Variants in TLK2 observed in about 807,000 individuals in gnomAD.
TLK2 encodes serine/threonine-protein kinase tousled-like 2.
A neutral mutation model predicts 117.3 loss-of-function variants in TLK2; 6 were observed. That is an observed-to-expected ratio of 0.05 (90% CI 0.03 to 0.10). TLK2 has a LOEUF of 0.10. Ranked by LOEUF, TLK2 falls within the 10% of genes least tolerant of loss-of-function variation. The pLI, the probability that TLK2 is intolerant of heterozygous loss-of-function variation, is 1.00. For missense variants in TLK2, 299 were observed against 901.2 expected (o/e 0.33, Z 8.56); for synonymous variants, 257 against 316.7 (o/e 0.81, Z 2.00).
chr17:62,603,446 G>C (rs2083023231), intron 19 of TLK2, among the ~76,000 whole-genome samples: 2 of 152,128 alleles, frequency 1.3e-5, no homozygotes, highest in Non-Finnish European at 2.9e-5. Context: ...AAAAATATCT[G>C]CTGCTGGAAA....
Position 62,608,103 on chromosome 17 carries a change from T to C in TLK2, c.2034T>C (p.Thr678=), listed in dbSNP as rs527994376. ...AAGAGAATACGATTCTTAAAGCTAC[T>C]GAAGTGCAGTTCCCGCCAAAGCCAG... The part of the protein sequence containing the change: ...ILQENTILKA[T]EVQFPPKPVV... Residue 678 remains threonine, a synonymous_variant, in exon 21 of 22, where the codon ACT becomes ACC. Coordinates refer to ENST00000346027, the MANE Select transcript of TLK2 (RefSeq NM_006852.6). 1 of 1,614,086 alleles carries C rather than the reference T, an allele frequency of 6.2e-7. No homozygotes were observed. Among genetic ancestry groups the C allele is most frequent in the East Asian group, 2.2e-5 (1 of 44,882 alleles).
intron 17 of TLK2, among the ~76,000 whole-genome samples, chr17:62,599,960 A>G (rs1776258838): frequency 6.6e-6 from 1 of 152,226 alleles, no homozygotes; most frequent in Non-Finnish European, 1.5e-5. Flanking sequence ...TGACATATTG[A>G]CATAAGGGAA....
At chr17:62,477,341 AAT>A (rs1302567135), upstream of TLK2, among the ~76,000 whole-genome samples, 2 of 152,078 alleles carry the variant, frequency 1.3e-5, no homozygotes, top group East Asian at 1.9e-4. Flanking sequence ...TCTCTTTGGG[AAT>A]ATGCATGTCC....
rs2078305075 is a variant in TLK2, at chr17:62,549,836, T to C, written c.532-2466T>C. 4 of 61,458 alleles carry C rather than the reference T, an allele frequency of 6.5e-5. No individual in the cohort carries two copies. The Admixed American group carries it at 7.8e-4, about 12-fold the overall frequency. 3.8% of individuals were successfully genotyped at this position (61,458 alleles called of 1,614,324 possible). On this transcript the variant is annotated intron_variant, in intron 7 of 21. Coordinates refer to ENST00000346027, the MANE Select transcript of TLK2 (RefSeq NM_006852.6). ...GCTAATTTTTTTTGTTTTGTATTGT[T>C]TTTTTTTTTTTTTAGTAGAGATGAG...
At chr17:62,476,099 C>T (rs1289288931), upstream of TLK2, among the ~76,000 whole-genome samples, 1 of 152,162 alleles carries the variant, frequency 6.6e-6, no homozygotes, top group East Asian at 1.9e-4. Context: ...CCTGTCTCAA[C>T]CTCCCAAGTA....
upstream of TLK2, among the ~76,000 whole-genome samples, chr17:62,476,677 T>C (rs2071053963): frequency 6.6e-6 from 1 of 152,200 alleles, no homozygotes; most frequent in African/African-American, 2.4e-5. Context: ...GGTTAGATGA[T>C]AGGCCCATGT....
At chr17:62,542,707 G>C (rs1035036351) in intron 7 of TLK2, among the ~76,000 whole-genome samples, 1 of 152,152 alleles carries the variant, frequency 6.6e-6, no homozygotes. Context: ...AGTTTAGATT[G>C]AAACAGTTCT....
At chr17:62,527,745 A>G (rs1264217224) in intron 6 of TLK2, among the ~76,000 whole-genome samples, 2 of 151,692 alleles carry the variant, frequency 1.3e-5, no homozygotes, top group Non-Finnish European at 2.9e-5. Flanking sequence ...TCTTCCGACT[A>G]GATTTTTTTT....
intron 7 of TLK2, chr17:62,551,046 G>C (rs2078421864): frequency 6.6e-6 from 1 of 152,274 alleles, no homozygotes; most frequent in Non-Finnish European, 1.5e-5. Context: ...TCGAGCTTCT[G>C]TCCTCAAGTG....
intron 7 of TLK2, among the ~76,000 whole-genome samples, chr17:62,548,723 C>T (rs1235773751): frequency 6.6e-6 from 1 of 151,818 alleles, no homozygotes; most frequent in Non-Finnish European, 1.5e-5. Flanking sequence ...GTCTTTTAAT[C>T]ATTTGATTCT....
intron 1 of TLK2, among the ~76,000 whole-genome samples, chr17:62,471,503 T>C (rs972535922): frequency 2.6e-5 from 4 of 152,184 alleles, no homozygotes; most frequent in Non-Finnish European, 5.9e-5. Flanking sequence ...TCAAGTCCAA[T>C]CTGGAGGCTG....
Position 62,578,166 on chromosome 17 carries a change from G to A in TLK2, c.1189-311G>A, listed in dbSNP as rs111372320. 3.5e-3 allele frequency among the ~76,000 whole-genome samples: 527 copies of A among 152,304 alleles called. 3 individuals carry two copies. The highest frequency in any genetic ancestry group is 0.012 in the African/African-American group (492 of 41,578). ...AATGTTTCCATGTCTAAATGTATATGCACAAAACATTCCTGAAAACTTATG... is the reference window on the plus strand; with the variant it reads ...AATGTTTCCATGTCTAAATGTATATACACAAAACATTCCTGAAAACTTATG... On this transcript the variant is annotated intron_variant, in intron 13 of 21. Coordinates refer to ENST00000346027, the MANE Select transcript of TLK2 (RefSeq NM_006852.6).
intron 7 of TLK2, among the ~76,000 whole-genome samples, chr17:62,548,227 C>CATATATATAT (rs760251145): frequency 1.3e-4 from 17 of 132,266 alleles, no homozygotes; most frequent in Middle Eastern, 3.8e-3. Context: ...ATCATTGGGC[C>CATATATATAT]ATATATATAT....
intron 16 of TLK2, among the ~76,000 whole-genome samples, chr17:62,592,687 AG>A (rs1343322340): frequency 6.6e-6 from 1 of 152,200 alleles, no homozygotes; most frequent in Non-Finnish European, 1.5e-5. Flanking sequence ...GACCGGGGAC[AG>A]GGGGAGATGG....
chr17:62,491,462 G>T (rs1400967709), intron 2 of TLK2, among the ~76,000 whole-genome samples: 2 of 152,024 alleles, frequency 1.3e-5, no homozygotes, highest in Non-Finnish European at 2.9e-5. Flanking sequence ...ACCTTGTCTG[G>T]GTCTTAAATT....
At chr17:62,605,743 A>G (rs1598898474) in intron 19 of TLK2, among the ~76,000 whole-genome samples, 1 of 152,096 alleles carries the variant, frequency 6.6e-6, no homozygotes, top group Middle Eastern at 3.4e-3. Context: ...GGTGGGTCAC[A>G]CCTATAATCC....
At chr17:62,561,007 G>A (rs1288263119) in intron 10 of TLK2, among the ~76,000 whole-genome samples, 2 of 152,132 alleles carry the variant, frequency 1.3e-5, no homozygotes, top group African/African-American at 4.8e-5. Context: ...GCCCCGGTGT[G>A]TGATGTTCCC....
intron 2 of TLK2, among the ~76,000 whole-genome samples, chr17:62,511,377 A>G (rs1187581231): frequency 6.6e-6 from 1 of 152,010 alleles, no homozygotes; most frequent in Non-Finnish European, 1.5e-5. Context: ...AAAGTACACA[A>G]CCTTTTATTT....
chr17:62,552,155 C>T (rs2078515528), intron 7 of TLK2, 147 bp from the exon 8 acceptor site: 3 of 886,470 alleles, frequency 3.4e-6, no homozygotes, highest in South Asian at 3.5e-5. Flanking sequence ...TTACTTTCTT[C>T]TTGGCCACGT....
Sources: allele counts gnomAD v4.1 joint callset (sites outside exome capture counted in the v4.1 genomes callset), GRCh38; gene constraint gnomAD v4.1.1; transcripts MANE v1.5; gene names NCBI Gene and HGNC (gene_info 2026-07-23, HGNC 2026-07-21).